The following EPG5 variants were observed in gnomAD, a reference collection of about 807,000 sequenced individuals.
EPG5 encodes the protein ectopic P-granules 5 autophagy tethering factor, also known as ectopic P granules protein 5 homolog.
A neutral mutation model predicts 302.7 loss-of-function variants in EPG5; 159 were observed. That is an observed-to-expected ratio of 0.53 (90% CI 0.46 to 0.60). The LOEUF (loss-of-function observed/expected upper bound fraction) is 0.60. EPG5 is among the 20% of genes least tolerant of loss of function. The probability of loss-of-function intolerance (pLI) is 0.00; values close to 1 mark genes in which losing one functional copy is unlikely to be tolerated. For synonymous variants in EPG5, 1,158 were observed against 1,136.8 expected (o/e 1.02, Z -0.37); for missense variants, 2,896 against 3,092.4 (o/e 0.94, Z 1.51).
intron 10 of EPG5, among the ~76,000 whole-genome samples, chr18:45,936,710 G>A (rs1444407559): frequency 1.8e-5 from 2 of 111,060 alleles, no homozygotes; most frequent in African/African-American, 3.6e-5. Flanking sequence ...AACAGAGTGA[G>A]ACTCCATTTC....
At chr18:45,859,305 T>C (rs1353600569) in intron 40 of EPG5, among the ~76,000 whole-genome samples, 1 of 152,212 alleles carries the variant, frequency 6.6e-6, no homozygotes, top group African/African-American at 2.4e-5. Flanking sequence ...AGCAGTGTTA[T>C]CCTAATGGTT....
In EPG5 at chr18:45,967,215, G is replaced by T. The variant is rs368321414; in HGVS notation, c.25C>A (p.Arg9Ser). The T allele has an allele frequency of 3.1e-6, 5 of 1,605,438 alleles. No homozygotes were observed. The highest frequency in any genetic ancestry group is 4.3e-6 in the Non-Finnish European group (5 of 1,176,314). Reference protein sequence around the residue: MAEAVKPQRRAKAKASRTK... With the variant: MAEAVKPQSRAKAKASRTK... ...CGGCTGGCCTTGGCCTTGGCCCGGC[G>T]CTGGGGCTTCACCGCCTCGGCCATA... Residue 9 changes from arginine to serine, a missense_variant, in exon 1 of 44, where the codon CGC (arginine) becomes AGC (serine). Transcript: ENST00000282041.
Position 45,858,079 on chromosome 18 carries a change from C to T in EPG5, c.7227-11G>A, listed in dbSNP as rs766878828. The T allele has an allele frequency of 3.8e-6, 6 of 1,599,894 alleles. No individual in the cohort carries two copies. Among genetic ancestry groups the T allele is most frequent in the Non-Finnish European group, 3.4e-6 (4 of 1,169,242 alleles). On this transcript the variant is annotated splice_polypyrimidine_tract_variant and intron_variant, in intron 41 of 43. Transcript: ENST00000282041. ...TCTTCCTCCACGGAGCTAGGGGAGG[C>T]ACCGGAGGAAAATAAAATTAGAAGT...
At chr18:45,881,602 A>G (rs1269217091) in intron 31 of EPG5, among the ~76,000 whole-genome samples, 1 of 152,210 alleles carries the variant, frequency 6.6e-6, no homozygotes, top group Non-Finnish European at 1.5e-5. Flanking sequence ...AAAAGTAAAT[A>G]CTATCTCATT....
the EPG5 span, among the ~76,000 whole-genome samples, chr18:45,835,723 A>G: frequency 6.6e-6 from 1 of 152,194 alleles, no homozygotes; most frequent in Admixed American, 6.5e-5. Context: ...GCTGGGCATG[A>G]AACACAGTGG....
chr18:45,889,666 G>C (rs751873978), intron 28 of EPG5, 132 bp downstream of exon 28: 2 of 665,008 alleles, frequency 3.0e-6, no homozygotes, highest in South Asian at 7.9e-5. Context: ...TGACTCAAAG[G>C]CCGTAGTTTG....
chr18:45,940,976 G>A (rs982950973), intron 9 of EPG5, among the ~76,000 whole-genome samples: 1 of 152,182 alleles, frequency 6.6e-6, no homozygotes, highest in Non-Finnish European at 1.5e-5. Flanking sequence ...TGCTCGGTTG[G>A]TAGTTGAATA....
At chr18:45,837,385 C>T in the EPG5 span, 1 of 1,324,488 alleles carries the variant, frequency 7.6e-7, no homozygotes, top group South Asian at 1.6e-5. Flanking sequence ...GGGGGACGAT[C>T]CCTGAGTCCT....
At chr18:45,909,365 G>A (rs1336346031) in intron 23 of EPG5, among the ~76,000 whole-genome samples, 3 of 152,190 alleles carry the variant, frequency 2.0e-5, no homozygotes, top group Non-Finnish European at 2.9e-5. Flanking sequence ...CACTGGTTAA[G>A]GCTGGTTAAA....
chr18:45,883,892 A>T (rs1174141955), intron 30 of EPG5, among the ~76,000 whole-genome samples: 1 of 149,066 alleles, frequency 6.7e-6, no homozygotes, highest in East Asian at 1.9e-4. Context: ...CTAATGTTAT[A>T]TACTAAGATA....
In EPG5 at chr18:45,915,540, A is replaced by T; in HGVS notation, c.3664T>A (p.Phe1222Ile). 2 of 1,614,128 alleles carry T rather than the reference A, an allele frequency of 1.2e-6. No individual in the cohort carries two copies. Among genetic ancestry groups the T allele is most frequent in the Non-Finnish European group, 1.7e-6 (2 of 1,179,948 alleles). The change falls in exon 20 of 44, where the codon TTT becomes ATT. Residue 1222 changes from phenylalanine (F) to isoleucine (I), a missense_variant. Physicochemically the swap from Phe to Ile is conservative, Grantham distance 21 (BLOSUM62 0). This residue lies in a region of EPG5 where 64 missense variants were observed against 101.8 expected (regional missense o/e 0.63). Coordinates refer to ENST00000282041, the MANE Select transcript of EPG5 (RefSeq NM_020964.3). Reference sequence around the variant, plus strand: ...GTGGGCGTGGCCAAGCCCTCCACAAAGGAAGGAGTGATGTTGCCTGCCACA... The same window carrying T: ...GTGGGCGTGGCCAAGCCCTCCACAATGGAAGGAGTGATGTTGCCTGCCACA... ...WIVAGNITPS[F>I]VEGLATPTQV...
intron 1 of EPG5, among the ~76,000 whole-genome samples, chr18:45,957,370 A>T (rs2143823486): frequency 6.6e-6 from 1 of 152,340 alleles, no homozygotes; most frequent in African/African-American, 2.4e-5. Flanking sequence ...TGCATACCTC[A>T]TACAAACTAC....
chr18:45,903,319 C>T (rs1240692891), intron 25 of EPG5, among the ~76,000 whole-genome samples: 2 of 151,882 alleles, frequency 1.3e-5, no homozygotes, highest in Admixed American at 6.6e-5. Flanking sequence ...ATTTTAGAGC[C>T]TTAGAAGAAA....
At chr18:45,941,495 T>C (rs1168860005) in intron 9 of EPG5, among the ~76,000 whole-genome samples, 5 of 152,128 alleles carry the variant, frequency 3.3e-5, no homozygotes, top group African/African-American at 9.7e-5. Context: ...TTATGGGAAA[T>C]TGTTCTGCAA....
Position 45,860,206 on chromosome 18 carries a change from G to A in EPG5, c.6907C>T (p.Leu2303=). ...GCTGTTAAAAGGGGCAGCACCACCAGCCCATGCATTTTTTGGCCAATCCAG... is the reference window on the plus strand; with the variant it reads ...GCTGTTAAAAGGGGCAGCACCACCAACCCATGCATTTTTTGGCCAATCCAG... ...RTWIGQKMHG[L]VVLPLLTAAC... The change falls in exon 40 of 44, where the codon CTG becomes TTG. Residue 2303 remains leucine (L), a synonymous_variant. Transcript: ENST00000282041. 1.2e-6 allele frequency: 2 copies of A among 1,614,248 alleles called. No individual in the cohort carries two copies. The highest frequency in any genetic ancestry group is 2.2e-5 in the East Asian group (1 of 44,894).
chr18:45,954,334 G>A (rs2050975647), intron 2 of EPG5, 60 bp downstream of exon 2: 7 of 1,476,798 alleles, frequency 4.7e-6, no homozygotes, highest in Non-Finnish European at 6.4e-6. Context: ...CTCCAGACCT[G>A]GACAACATCC....
intron 27 of EPG5, among the ~76,000 whole-genome samples, chr18:45,898,484 C>A (rs1035550016): frequency 2.6e-5 from 4 of 152,222 alleles, no homozygotes; most frequent in African/African-American, 9.7e-5. Flanking sequence ...GAAGTGCATA[C>A]CATATTGCAG....
chr18:45,868,959 G>A (rs1176195869), intron 36 of EPG5, among the ~76,000 whole-genome samples: 4 of 151,434 alleles, frequency 2.6e-5, no homozygotes, highest in Non-Finnish European at 4.4e-5. Context: ...GGAGGCTGAG[G>A]CAGGAGAATG....
chr18:45,827,135 C>T, the EPG5 span, among the ~76,000 whole-genome samples: 3 of 152,166 alleles, frequency 2.0e-5, no homozygotes, highest in Admixed American at 6.5e-5. Flanking sequence ...AGCCTGGTCT[C>T]GAACTCCTGA....
Sources: gnomAD v4.1 joint callset for allele counts (sites outside exome capture counted in the v4.1 genomes callset) on GRCh38, gnomAD v4.1.1 for gene constraint, gnomAD v4.1.1 regional missense constraint, MANE v1.5 for transcripts, NCBI Gene and HGNC (gene_info 2026-07-23, HGNC 2026-07-21) for gene names.